TENM1: variants seen among roughly 807,000 people sequenced by gnomAD.
TENM1 encodes teneurin transmembrane protein 1.
A neutral mutation model predicts 174.8 loss-of-function variants in TENM1; 35 were observed. That is an observed-to-expected ratio of 0.20 (90% confidence interval 0.15 to 0.27). The LOEUF is 0.27. Among genes scored for constraint, TENM1 ranks in the 10% least tolerant of loss-of-function variants. The pLI, the probability that TENM1 is intolerant of heterozygous loss-of-function variation, is 1.00. For synonymous variants in TENM1, 781 were observed against 798.7 expected (o/e 0.98, Z 0.37); for missense variants, 1,633 against 2,130.1 (o/e 0.77, Z 4.59).
chrX:124,956,659 C>A (rs1015510097), intron 1 of TENM1, among the ~76,000 whole-genome samples: 1 of 112,520 alleles, frequency 8.9e-6, no homozygotes, highest in Non-Finnish European at 1.9e-5. Flanking sequence ...ATTTCTCTTA[C>A]AGTCTAAGTT....
chrX:124,888,593 T>A (rs1486098809), intron 3 of TENM1, among the ~76,000 whole-genome samples: 1 of 111,883 alleles, frequency 8.9e-6, no homozygotes, highest in African/African-American at 3.2e-5. Flanking sequence ...GAGCAGAAAG[T>A]AGGCTGGGTT....
the TENM1 span, among the ~76,000 whole-genome samples, chrX:125,194,966 T>G: frequency 8.9e-6 from 1 of 112,375 alleles, no homozygotes; most frequent in Non-Finnish European, 1.9e-5. Context: ...CTATAGCATT[T>G]GTTATATGAC....
At chrX:125,200,535 TA>T in the TENM1 span, among the ~76,000 whole-genome samples, 1 of 110,371 alleles carries the variant, frequency 9.1e-6, no homozygotes, top group Non-Finnish European at 1.9e-5. Flanking sequence ...ATTTTGTGGT[TA>T]AAATCCACAG....
At chrX:125,179,655 C>T in the TENM1 span, among the ~76,000 whole-genome samples, 17 of 110,737 alleles carry the variant, frequency 1.5e-4, no homozygotes, top group Non-Finnish European at 2.8e-4. Flanking sequence ...TCTCAAATCC[C>T]ATGGTTCTCA....
At chrX:124,746,041 T>C (rs903776619) in intron 3 of TENM1, among the ~76,000 whole-genome samples, 1 of 111,956 alleles carries the variant, frequency 8.9e-6, no homozygotes, top group African/African-American at 3.2e-5. Flanking sequence ...ATGCATATAC[T>C]TGTCTTGTAT....
intron 1 of TENM1, among the ~76,000 whole-genome samples, chrX:124,907,246 T>C (rs2057762794): frequency 8.9e-6 from 1 of 112,068 alleles, no homozygotes; most frequent in Non-Finnish European, 1.9e-5. Flanking sequence ...ATGAGGGAAA[T>C]GGACAGATCA....
the TENM1 span, among the ~76,000 whole-genome samples, chrX:125,081,614 A>T: frequency 3.1e-3 from 349 of 111,443 alleles, 1 homozygote; most frequent in African/African-American, 0.01. Context: ...TTTCTGAGCT[A>T]AAAATAGAAC....
chrX:125,153,984 G>A, the TENM1 span, among the ~76,000 whole-genome samples: 1 of 112,301 alleles, frequency 8.9e-6, no homozygotes, highest in East Asian at 2.8e-4. Context: ...ATCTTTTTAA[G>A]CATTAGTATT....
At chrX:125,193,173 T>C in the TENM1 span, among the ~76,000 whole-genome samples, 1 of 111,372 alleles carries the variant, frequency 9.0e-6, no homozygotes, top group African/African-American at 3.3e-5. Context: ...AACTCTTAAA[T>C]GCAGTGTTTC....
chrX:124,614,079 G>A (rs2050340138), intron 11 of TENM1, among the ~76,000 whole-genome samples: 1 of 111,573 alleles, frequency 9.0e-6, no homozygotes, highest in Admixed American at 9.5e-5. Context: ...TTTCTGGGGG[G>A]GTTGGGGTGG....
intron 18 of TENM1, among the ~76,000 whole-genome samples, chrX:124,507,882 G>A (rs186546433): frequency 4.6e-4 from 52 of 111,946 alleles, no homozygotes; most frequent in Middle Eastern, 9.3e-3. Context: ...ATTACAAGTC[G>A]TCTGATAGTC....
chrX:124,452,277 T>C (rs1375987078), intron 23 of TENM1, among the ~76,000 whole-genome samples: 3 of 112,603 alleles, frequency 2.7e-5, no homozygotes, highest in South Asian at 7.3e-4. Context: ...AAAATGCTCA[T>C]CATCACTGGC....
chrX:124,693,551 G>A (rs1265148941), intron 5 of TENM1, among the ~76,000 whole-genome samples: 2 of 111,063 alleles, frequency 1.8e-5, no homozygotes, highest in Non-Finnish European at 3.8e-5. Flanking sequence ...TCATCAGTCA[G>A]TATAGTATTC....
chrX:124,641,608 G>T (rs762261253), intron 11 of TENM1, among the ~76,000 whole-genome samples, 183 bp downstream of exon 14: 75 of 111,287 alleles, frequency 6.7e-4, no homozygotes, highest in Non-Finnish European at 2.6e-4. Context: ...AAAACAAGAT[G>T]AAAAAAATAG....
intron 3 of TENM1, among the ~76,000 whole-genome samples, chrX:124,772,893 T>C (rs778970706): frequency 1.8e-5 from 2 of 111,895 alleles, no homozygotes; most frequent in African/African-American, 3.2e-5. Context: ...CCAGTTTTTA[T>C]AGGACTCAGG....
intron 5 of TENM1, among the ~76,000 whole-genome samples, chrX:124,696,743 T>G (rs1210693512): frequency 8.9e-6 from 1 of 111,761 alleles, no homozygotes; most frequent in South Asian, 3.7e-4. Flanking sequence ...ATATCTACGC[T>G]TAATTAAAAT....
the TENM1 span, among the ~76,000 whole-genome samples, chrX:125,058,618 A>G: frequency 9.0e-6 from 1 of 110,942 alleles, no homozygotes; most frequent in East Asian, 2.9e-4. Context: ...GGACTACTAG[A>G]CAGCTGTTCA....
intron 3 of TENM1, among the ~76,000 whole-genome samples, chrX:124,744,231 A>G (rs1403545884): frequency 1.8e-5 from 2 of 111,827 alleles, no homozygotes; most frequent in Non-Finnish European, 1.9e-5. Flanking sequence ...CAAACTACCT[A>G]ATTTTCTTGG....
At position 124,504,486 on chromosome X, in the gene TENM1, C is replaced by A. The variant is rs918183477; in HGVS notation, c.3302-783G>T. On this transcript the variant is annotated intron_variant, in intron 18 of 31. Coordinates refer to ENST00000422452, the Ensembl canonical transcript of TENM1. ...ATGTATAGCTTAAGTATACCAAGTC[C>A]TAGCCATTTTCCCTCTTGGAAACCT... is the stretch of plus-strand genomic sequence containing the variant. Among the ~76,000 whole-genome samples the A allele has an allele frequency of 1.4e-4, 4 of 28,922 alleles. No homozygotes were observed. In the Admixed American group the frequency reaches 2.1e-3, roughly 15 times the overall value. 25.1% of individuals were successfully genotyped at this position (28,922 alleles called of 115,157 possible).
Sources: allele counts gnomAD v4.1 joint callset (sites outside exome capture counted in the v4.1 genomes callset), GRCh38; gene constraint gnomAD v4.1.1; transcripts MANE v1.5; gene names NCBI Gene and HGNC (gene_info 2026-07-23, HGNC 2026-07-21).